Variants in PDE4D observed in about 807,000 individuals in gnomAD.
PDE4D encodes the protein 3',5'-cyclic-AMP phosphodiesterase 4D.
Under a neutral mutation model 87.4 loss-of-function variants are expected in PDE4D, and 24 were observed. That is an observed-to-expected ratio of 0.27 (90% CI 0.20 to 0.39). The LOEUF (loss-of-function observed/expected upper bound fraction) is 0.39, where lower values mean the gene tolerates loss of function less well. Ranked by LOEUF, PDE4D falls within the 10% of genes least tolerant of loss-of-function variation. PDE4D has a pLI of 1.00. For missense variants in PDE4D, 714 were observed against 1,041.0 expected, an observed-to-expected ratio of 0.69 and a Z score of 4.32; for synonymous variants, 384 against 383.2, an observed-to-expected ratio of 1.00 and a Z score of -0.02.
chr5:59,123,878 G>A (rs987535636), intron 5 of PDE4D, among the ~76,000 whole-genome samples: 6 of 152,112 alleles, frequency 3.9e-5, no homozygotes, highest in African/African-American at 1.4e-4. Context: ...TCTAAGCTAC[G>A]TGACTCTGGG....
rs186908711 is a variant in PDE4D, at chr5:60,433,009, C to A, written c.-90+54933G>T. 8.8e-3 allele frequency among the ~76,000 whole-genome samples: 1,339 copies of A among 152,276 alleles called. 15 individuals are homozygous for A. Among genetic ancestry groups the A allele is most frequent in the African/African-American group, 0.03 (1,260 of 41,560 alleles). The stretch of plus-strand genomic sequence containing the variant: ...AAAACCTAGGAAATACCATTCTAAA[C>A]ATAGGCCCTGGCAAAGATTTTATGA... On this transcript the variant is annotated intron_variant, in intron 1 of 16. Transcript: ENST00000502484.
rs1751327525 is a variant in PDE4D, at chr5:59,893,724, T to C, written c.-102A>G. Reference sequence around the variant, plus strand: ...CTGCTGCTGCCGCCGCCGCCGCTTCTGCAGCCCAGCAGAGGCTGGTGCTTA... The same window carrying C: ...CTGCTGCTGCCGCCGCCGCCGCTTCCGCAGCCCAGCAGAGGCTGGTGCTTA... On this transcript the variant is annotated 5_prime_UTR_variant, in exon 1 of 15. Transcript: ENST00000340635. 11 of 1,378,532 alleles carry C rather than the reference T, an allele frequency of 8.0e-6. No homozygotes were observed. The highest frequency in any genetic ancestry group is 1.0e-5 in the Non-Finnish European group (11 of 1,077,566). 85.4% of individuals were successfully genotyped at this position (1,378,532 alleles called of 1,614,324 possible).
chr5:59,697,549 T>C (rs1481963484), intron 1 of PDE4D, among the ~76,000 whole-genome samples: 3 of 152,190 alleles, frequency 2.0e-5, no homozygotes. Flanking sequence ...TCATTTACTC[T>C]TCAAAGCAAA....
chr5:60,497,882 C>T (rs769808732), intron 1 of PDE4D, among the ~76,000 whole-genome samples: 6 of 152,152 alleles, frequency 3.9e-5, no homozygotes, highest in Non-Finnish European at 7.3e-5. Flanking sequence ...GCCAGGAAAA[C>T]TTTGGCAACA....
chr5:59,452,071 CT>C (rs112445936), intron 1 of PDE4D, among the ~76,000 whole-genome samples: 1 of 150,832 alleles, frequency 6.6e-6, no homozygotes, highest in Admixed American at 6.6e-5. Context: ...GTTTGTGATT[CT>C]TTTTTTTAGT....
intron 1 of PDE4D, among the ~76,000 whole-genome samples, chr5:59,612,237 T>TTTTTGTTTG (rs113105324): frequency 6.6e-5 from 10 of 150,512 alleles, no homozygotes; most frequent in African/African-American, 2.4e-4. Context: ...ACACTGTTTT[T>TTTTTGTTTG]TTTGTTTGTT....
intron 1 of PDE4D, among the ~76,000 whole-genome samples, chr5:59,687,512 C>T (rs1433679514): frequency 6.6e-6 from 1 of 152,152 alleles, no homozygotes; most frequent in Non-Finnish European, 1.5e-5. Flanking sequence ...CCTTTACAGA[C>T]AAGCAAATGC....
intron 1 of PDE4D, among the ~76,000 whole-genome samples, chr5:59,846,208 GAC>G (rs914977142): frequency 5.3e-5 from 8 of 151,940 alleles, no homozygotes; most frequent in Admixed American, 3.9e-4. Flanking sequence ...GGTGGTACTG[GAC>G]ACACACTGAA....
At chr5:59,247,165 C>A (rs59729014) in intron 1 of PDE4D, among the ~76,000 whole-genome samples, 1,810 of 151,938 alleles carry the variant, frequency 0.012, 33 homozygotes, top group African/African-American at 0.041. Context: ...GAAACTAAGT[C>A]AGTTAGTAAC....
Position 59,497,732 on chromosome 5 carries a change from C to A in PDE4D, c.456-281764G>T, listed in dbSNP as rs530328464. Among the ~76,000 whole-genome samples the A allele has an allele frequency of 2.0e-5, 3 of 152,174 alleles. No homozygotes were observed. In the East Asian group the frequency reaches 5.8e-4, roughly 29 times the overall value. ...CATTTCTGAGATAAGAGAAACTAAG[C>A]AACTTGGAACACATATTTGAGGATA... is the stretch of plus-strand genomic sequence containing the variant. On this transcript the variant is annotated intron_variant, in intron 1 of 14. Transcript: ENST00000340635.
At chr5:60,357,584 T>TTATGTC (rs989225944) in intron 1 of PDE4D, among the ~76,000 whole-genome samples, 2 of 152,210 alleles carry the variant, frequency 1.3e-5, no homozygotes, top group Non-Finnish European at 1.5e-5. Context: ...GACTAAACTT[T>TTATGTC]TATGTCTTTC....
intron 1 of PDE4D, among the ~76,000 whole-genome samples, chr5:59,385,107 C>T (rs1023195315): frequency 1.3e-5 from 2 of 152,116 alleles, no homozygotes; most frequent in Non-Finnish European, 2.9e-5. Context: ...CTCTTTTCAG[C>T]CTCCTCCTCA....
rs1445010167 is a variant in PDE4D at position 59,039,051 on chromosome 5, G to A, written c.809-80C>T. On this transcript the variant is annotated intron_variant, in intron 5 of 14. Coordinates refer to ENST00000340635, the MANE Select transcript of PDE4D (RefSeq NM_001104631.2). Reference sequence around the variant, plus strand: ...TAGCGAGTTCAAAGGGGGCCATCCTGCCATACCCCGCCATGCTCGGATGCC... The same window carrying A: ...TAGCGAGTTCAAAGGGGGCCATCCTACCATACCCCGCCATGCTCGGATGCC... 8 of 1,514,376 alleles carry A rather than the reference G, an allele frequency of 5.3e-6. No homozygotes were observed. The African/African-American group carries it at 1.1e-4, about 21-fold the overall frequency. The allele number at this position is 1,514,376 out of a possible 1,614,324, so 93.8% of individuals were successfully genotyped here.
chr5:59,330,621 A>ATT (rs139436001), intron 1 of PDE4D, among the ~76,000 whole-genome samples: 2,698 of 152,168 alleles, frequency 0.018, 87 homozygotes, highest in African/African-American at 0.061. Context: ...AGAGAAAACC[A>ATT]TTTTTTTTAT....
chr5:60,251,903 T>C (rs1002028423), intron 1 of PDE4D, among the ~76,000 whole-genome samples: 3 of 151,992 alleles, frequency 2.0e-5, no homozygotes, highest in Non-Finnish European at 4.4e-5. Flanking sequence ...CAAGCTTCAT[T>C]CATGGTAAGT....
At chr5:59,720,436 G>A (rs56199003) in intron 1 of PDE4D, among the ~76,000 whole-genome samples, 28,105 of 152,094 alleles carry the variant, frequency 0.18, 3,142 homozygotes, top group South Asian at 0.26. Context: ...GAGCCAAAGT[G>A]TCTGGCCCTA....
intron 2 of PDE4D, among the ~76,000 whole-genome samples, chr5:59,990,427 A>G (rs1762887463): frequency 6.6e-6 from 1 of 152,138 alleles, no homozygotes; most frequent in Non-Finnish European, 1.5e-5. Flanking sequence ...CCTGATTTAT[A>G]TCTTGAAAAA....
chr5:59,361,992 C>T (rs1292841744), intron 1 of PDE4D, among the ~76,000 whole-genome samples: 1 of 152,022 alleles, frequency 6.6e-6, no homozygotes, highest in African/African-American at 2.4e-5. Flanking sequence ...CAGGGCAGCA[C>T]TGTATAGGGG....
intron 1 of PDE4D, among the ~76,000 whole-genome samples, chr5:59,566,568 G>C (rs1244378605): frequency 6.6e-6 from 1 of 151,414 alleles, no homozygotes; most frequent in African/African-American, 2.4e-5. Context: ...GTGTGTGTGT[G>C]TGTGTGTGTG....
Sources: allele counts gnomAD v4.1 joint callset (sites outside exome capture counted in the v4.1 genomes callset), GRCh38; gene constraint gnomAD v4.1.1; transcripts MANE v1.5; gene names NCBI Gene and HGNC (gene_info 2026-07-23, HGNC 2026-07-21).